ARHGAP8: variants seen among roughly 807,000 people sequenced by gnomAD.
ARHGAP8 encodes the protein Rho GTPase activating protein 8.
ARHGAP8 carries 62 observed loss-of-function variants against 46.1 expected under a neutral mutation model. That is an observed-to-expected ratio of 1.34 (90% CI 1.10 to 1.66). The LOEUF (loss-of-function observed/expected upper bound fraction) is 1.66. Among genes scored for constraint, ARHGAP8 ranks in the 40% most tolerant of loss-of-function variants. The pLI, the probability that ARHGAP8 is intolerant of heterozygous loss-of-function variation, is 0.00. For missense variants in ARHGAP8, 923 were observed against 568.4 expected (o/e 1.62, Z -6.34); for synonymous variants, 375 against 243.1 (o/e 1.54, Z -5.05).
chr22:44,851,323 G>C (rs2070087355), intron 10 of ARHGAP8, among the ~76,000 whole-genome samples: 1 of 152,182 alleles, frequency 6.6e-6, no homozygotes, highest in Admixed American at 6.5e-5. Flanking sequence ...TCTGACAAAA[G>C]ACAGATTCAC....
chr22:44,777,310 G>C (rs768995722), intron 1 of ARHGAP8: 1 of 151,838 alleles, frequency 6.6e-6, no homozygotes, highest in African/African-American at 2.4e-5. Flanking sequence ...TTAAACGTTC[G>C]TCTCAATTTT....
intron 3 of ARHGAP8, among the ~76,000 whole-genome samples, chr22:44,802,760 C>T (rs1200438074): frequency 6.6e-6 from 1 of 152,142 alleles, no homozygotes; most frequent in Non-Finnish European, 1.5e-5. Context: ...TGACTTGTGG[C>T]CACCTCATTC....
rs1569192177 is a variant in ARHGAP8 at position 44,862,568 on chromosome 22, C to T, written c.1275C>T (p.Pro425=). The T allele has an allele frequency of 1.9e-6, 3 of 1,592,038 alleles. No homozygotes were observed. The highest frequency in any genetic ancestry group is 1.1e-5 in the South Asian group (1 of 89,870). ...CCAAGCCTACCCTACCTCCGAGTCC[C>T]CTGATGGCAGCCAGAAGACGTCTCT... ...GLTKPTLPPS[P]LMAARRRL is the part of the protein sequence containing the mutation. Residue 425 remains proline (P), a synonymous_variant, in exon 12 of 12, where the codon CCC becomes CCT. Coordinates refer to ENST00000356099, the MANE Select transcript of ARHGAP8 (RefSeq NM_181335.3).
Position 44,802,152 on chromosome 22 carries a change from A to G in ARHGAP8, c.155A>G (p.Gln52Arg), listed in dbSNP as rs754784555. Residue 52 changes from glutamine to arginine, a missense_variant, in exon 3 of 12, where the codon CAG becomes CGG. Coordinates refer to ENST00000356099, the MANE Select transcript of ARHGAP8 (RefSeq NM_181335.3). The stretch of plus-strand genomic sequence containing the variant: ...CCACCCTCCCACGAGCTGGACCACC[A>G]GCGGCTGCTGGAGTAAGTGTTCTGC... ...RMPPSHELDH[Q>R]RLLEYLKYTL... 3 of 1,613,994 alleles carry G rather than the reference A, an allele frequency of 1.9e-6. No individual in the cohort carries two copies. Among genetic ancestry groups the G allele is most frequent in the African/African-American group, 1.3e-5 (1 of 74,926 alleles).
chr22:44,853,727 G>C (rs772843219), intron 10 of ARHGAP8, among the ~76,000 whole-genome samples: 4 of 152,098 alleles, frequency 2.6e-5, no homozygotes, highest in Non-Finnish European at 5.9e-5. Context: ...AGAAAGCCAA[G>C]TTAAAAATTT....
At chr22:44,790,387 C>T (rs1250371514) in intron 2 of ARHGAP8, among the ~76,000 whole-genome samples, 1 of 151,848 alleles carries the variant, frequency 6.6e-6, no homozygotes, top group Non-Finnish European at 1.5e-5. Context: ...GAAGAGGTGG[C>T]CAGGCCACCT....
chr22:44,854,128 A>G (rs1465673653), intron 10 of ARHGAP8, among the ~76,000 whole-genome samples: 2 of 147,416 alleles, frequency 1.4e-5, no homozygotes, highest in Admixed American at 6.8e-5. Context: ...GGTTCTCAAT[A>G]TATTTTAAGT....
At chr22:44,860,326 T>G (rs537262314) in intron 11 of ARHGAP8, among the ~76,000 whole-genome samples, 5 of 152,246 alleles carry the variant, frequency 3.3e-5, no homozygotes, top group Non-Finnish European at 7.4e-5. Flanking sequence ...AAAAGCAAGG[T>G]GTGGCGGGCT....
At chr22:44,851,771 G>GCA (rs2070100035) in intron 10 of ARHGAP8, among the ~76,000 whole-genome samples, 1 of 152,022 alleles carries the variant, frequency 6.6e-6, no homozygotes, top group Non-Finnish European at 1.5e-5. Context: ...CCTGGGAGTT[G>GCA]GAGGCTACAG....
chr22:44,754,158 G>A (rs1924475455), intron 1 of ARHGAP8, among the ~76,000 whole-genome samples: 1 of 152,120 alleles, frequency 6.6e-6, no homozygotes. Context: ...TGGGAGCTTA[G>A]GAAGGGCTTC....
At chr22:44,792,811 G>T (rs12168986) in intron 2 of ARHGAP8, among the ~76,000 whole-genome samples, 3,255 of 132,954 alleles carry the variant, frequency 0.024, 81 homozygotes, top group Admixed American at 0.063. Flanking sequence ...GGTGGTGGTG[G>T]TTTTTTTTGT....
chr22:44,854,019 T>A (rs989406304), intron 10 of ARHGAP8, among the ~76,000 whole-genome samples: 1 of 82,302 alleles, frequency 1.2e-5, no homozygotes, highest in African/African-American at 5.1e-5. Context: ...AGCGAGACTC[T>A]GTCTCAAAAA....
intron 1 of ARHGAP8, among the ~76,000 whole-genome samples, chr22:44,758,268 G>A (rs1048864749): frequency 3.9e-5 from 6 of 152,132 alleles, no homozygotes; most frequent in Non-Finnish European, 7.4e-5. Context: ...GGCCAACATG[G>A]TGAATTAGCT....
rs138113268 is a variant in ARHGAP8, at chr22:44,811,702, G to A, written c.300-2970G>A. On this transcript the variant is annotated intron_variant, in intron 4 of 11. Coordinates refer to ENST00000356099, the MANE Select transcript of ARHGAP8 (RefSeq NM_181335.3). The stretch of plus-strand genomic sequence containing the variant: ...GAGTTCCCCATCGCTAGAGGTATGC[G>A]AGTGGTGCTCCAAATAGAATTAGAT... Among the ~76,000 whole-genome samples the A allele has an allele frequency of 7.2e-3, 1,090 of 152,258 alleles. 8 individuals are homozygous for A. Among genetic ancestry groups the A allele is most frequent in the African/African-American group, 0.024 (978 of 41,552 alleles).
chr22:44,817,679 G>C (rs528651051), intron 5 of ARHGAP8, among the ~76,000 whole-genome samples: 42 of 152,062 alleles, frequency 2.8e-4, no homozygotes, highest in Non-Finnish European at 4.9e-4. Context: ...TGGTGGGCGC[G>C]TATAATCCCA....
chr22:44,785,651 C>T (rs1222819413), intron 1 of ARHGAP8, among the ~76,000 whole-genome samples: 2 of 152,254 alleles, frequency 1.3e-5, no homozygotes, highest in Non-Finnish European at 2.9e-5. Flanking sequence ...AGTCTTCAAC[C>T]CCCTACACCT....
chr22:44,762,664 C>A (rs1368535069), intron 1 of ARHGAP8, among the ~76,000 whole-genome samples: 1 of 151,622 alleles, frequency 6.6e-6, no homozygotes, highest in Non-Finnish European at 1.5e-5. Flanking sequence ...CTGCCTCAGC[C>A]TTCTGAGTAG....
intron 3 of ARHGAP8, among the ~76,000 whole-genome samples, chr22:44,805,863 C>T (rs558371181): frequency 1.2e-4 from 19 of 152,284 alleles, no homozygotes; most frequent in South Asian, 1.2e-3. Flanking sequence ...ATTTTTGAAG[C>T]GGGTGAAGAA....
At chr22:44,825,662 C>T (rs1316441867) in intron 7 of ARHGAP8, 69 bp downstream of exon 7, 5 of 1,505,750 alleles carry the variant, frequency 3.3e-6, no homozygotes, top group African/African-American at 1.4e-5. Flanking sequence ...GCTTCTGGGT[C>T]CAGAAATATT....
Sources: allele counts gnomAD v4.1 joint callset (sites outside exome capture counted in the v4.1 genomes callset), GRCh38; gene constraint gnomAD v4.1.1; transcripts MANE v1.5; gene names NCBI Gene and HGNC (gene_info 2026-07-23, HGNC 2026-07-21).